The following ASTN1 variants were observed in gnomAD, a reference collection of about 807,000 sequenced individuals.
The protein encoded by ASTN1 is astrotactin 1.
ASTN1 carries 41 observed loss-of-function variants against 140.7 expected under a neutral mutation model. The observed-to-expected ratio is 0.29, with a 90% CI of 0.23 to 0.38. ASTN1 has a LOEUF of 0.38. Among genes scored for constraint, ASTN1 ranks in the 10% least tolerant of loss-of-function variants. ASTN1 has a pLI of 1.00. For missense variants in ASTN1, 1,479 were observed against 1,678.8 expected (o/e 0.88, Z 2.08); for synonymous variants, 640 against 652.2 (o/e 0.98, Z 0.29).
At position 177,052,993 on chromosome 1, in the gene ASTN1, A is replaced by G. The variant is rs183242875; in HGVS notation, c.471+8085T>C. On this transcript the variant is annotated intron_variant, in intron 2 of 22. Coordinates refer to ENST00000361833, the MANE Select transcript of ASTN1 (RefSeq NM_004319.3). The stretch of plus-strand genomic sequence containing the variant: ...CAGTCTCAGTGTTCACATCTGAAAG[A>G]TGGAAGAAATGATAGCTATTTCAAA... Among the ~76,000 whole-genome samples the G allele has an allele frequency of 4.1e-4, 62 of 152,308 alleles. 1 individual carries two copies. Among genetic ancestry groups the G allele is most frequent in the Middle Eastern group, 3.4e-3 (1 of 294 alleles).
intron 1 of ASTN1, among the ~76,000 whole-genome samples, chr1:177,141,973 C>A (rs921486953): frequency 6.6e-6 from 1 of 152,150 alleles, no homozygotes; most frequent in Non-Finnish European, 1.5e-5. Flanking sequence ...TATAGTAGCT[C>A]CCATCTGCCA....
chr1:176,865,869 A>T lies in ASTN1; in HGVS notation c.3648-1348T>A, dbSNP rs557551705. 1.2e-3 allele frequency among the ~76,000 whole-genome samples: 176 copies of T among 152,352 alleles called. 1 individual carries two copies. The highest frequency in any genetic ancestry group is 3.9e-3 in the African/African-American group (161 of 41,580). Reference sequence around the variant, plus strand: ...ATCTCACATGGCAGCAGACAAGAGAAGAGAGCTTTTGCAAGGAGACTCCCA... The same window carrying T: ...ATCTCACATGGCAGCAGACAAGAGATGAGAGCTTTTGCAAGGAGACTCCCA... On this transcript the variant is annotated intron_variant, in intron 22 of 22. Coordinates refer to ENST00000361833, the MANE Select transcript of ASTN1 (RefSeq NM_004319.3).
intron 1 of ASTN1, among the ~76,000 whole-genome samples, chr1:177,091,066 A>G (rs890668124): frequency 2.0e-5 from 3 of 152,076 alleles, no homozygotes; most frequent in Non-Finnish European, 4.4e-5. Flanking sequence ...CCCCACCAAA[A>G]TGCTTTCAAA....
At chr1:176,869,120 ATATCACATATAAACAT>A in intron 21 of ASTN1, 93 bp from the exon 22 acceptor site, 2 of 847,410 alleles carry the variant, frequency 2.4e-6, no homozygotes. Flanking sequence ...TCATATAGAC[ATATCACATATAAACAT>A]ATGTAGATCA....
chr1:176,874,412 G>A (rs1318429775), intron 21 of ASTN1, among the ~76,000 whole-genome samples: 1 of 152,192 alleles, frequency 6.6e-6, no homozygotes, highest in Non-Finnish European at 1.5e-5. Context: ...TTCTTCACCA[G>A]TATTTAAAGA....
Position 177,014,777 on chromosome 1 carries a change from A to G in ASTN1, c.1523+14T>C. On this transcript the variant is annotated intron_variant, in intron 8 of 22. Coordinates refer to ENST00000361833, the MANE Select transcript of ASTN1 (RefSeq NM_004319.3). ...ATATGTGGGAACCAGCTAAGTCGTC[A>G]TGCCCTCACTTACCCCTGGTTTGTC... 1 of 1,608,458 alleles carries G rather than the reference A, an allele frequency of 6.2e-7. No homozygotes were observed. The highest frequency in any genetic ancestry group is 8.5e-7 in the Non-Finnish European group (1 of 1,174,998).
At chr1:177,160,485 A>C (rs539172873) in intron 1 of ASTN1, among the ~76,000 whole-genome samples, 1 of 152,356 alleles carries the variant, frequency 6.6e-6, no homozygotes, top group Non-Finnish European at 1.5e-5. Flanking sequence ...CACAAGAGAA[A>C]CATCTTTCTT....
At chr1:176,932,440 G>C (rs916744128) in intron 16 of ASTN1, among the ~76,000 whole-genome samples, 1 of 152,124 alleles carries the variant, frequency 6.6e-6, no homozygotes, top group Non-Finnish European at 1.5e-5. Flanking sequence ...TGATAACTAA[G>C]GAGGAGAAAT....
chr1:176,889,590 T>C (rs1051595316), intron 17 of ASTN1, among the ~76,000 whole-genome samples: 1 of 152,234 alleles, frequency 6.6e-6, no homozygotes, highest in African/African-American at 2.4e-5. Flanking sequence ...GAACTTTACA[T>C]TGGCCACCTT....
At position 176,884,429 on chromosome 1, in the gene ASTN1, AGTG is replaced by A; in HGVS notation, c.3133_3135del (p.His1045del). 1 of 1,614,096 alleles carries A rather than the reference AGTG, an allele frequency of 6.2e-7. No homozygotes were observed. The highest frequency in any genetic ancestry group is 8.5e-7 in the Non-Finnish European group (1 of 1,180,014). ...ATCTGCACCCCGATTGGTGGCTCTG[AGTG>A]TTCCCACTCCAGGACCACAAGAGTG... is the stretch of plus-strand genomic sequence containing the variant. On this transcript the variant is annotated inframe_deletion, in exon 19 of 23. Transcript: ENST00000361833.
intron 8 of ASTN1, among the ~76,000 whole-genome samples, chr1:177,014,148 G>A (rs904994324): frequency 1.3e-5 from 2 of 151,228 alleles, no homozygotes; most frequent in African/African-American, 4.9e-5. Context: ...ATGGTTAAAT[G>A]ACACATTGTA....
At chr1:177,156,290 A>G (rs1683233119) in intron 1 of ASTN1, among the ~76,000 whole-genome samples, 1 of 151,644 alleles carries the variant, frequency 6.6e-6, no homozygotes, top group Non-Finnish European at 1.5e-5. Context: ...AAAACAAAAA[A>G]CCCAACAACA....
chr1:176,919,887 A>C (rs1670658338), intron 16 of ASTN1, among the ~76,000 whole-genome samples: 2 of 152,232 alleles, frequency 1.3e-5, no homozygotes, highest in South Asian at 4.1e-4. Context: ...GGGGAGTGCC[A>C]GCTGTGGTTT....
intron 8 of ASTN1, among the ~76,000 whole-genome samples, chr1:176,999,087 T>C (rs1006951486): frequency 2.6e-5 from 4 of 152,190 alleles, no homozygotes; most frequent in Admixed American, 6.5e-5. Flanking sequence ...AAAAAACTAT[T>C]GAGGGTCCTG....
intron 11 of ASTN1, among the ~76,000 whole-genome samples, chr1:176,956,181 C>T (rs1571564052): frequency 6.6e-6 from 1 of 152,150 alleles, no homozygotes; most frequent in African/African-American, 2.4e-5. Flanking sequence ...CCTGACAGAC[C>T]TTCCTGTTCT....
chr1:176,950,375 G>A (rs781522317), intron 11 of ASTN1, among the ~76,000 whole-genome samples: 20 of 152,178 alleles, frequency 1.3e-4, no homozygotes, highest in Non-Finnish European at 8.8e-5. Flanking sequence ...TGTGGAGTCC[G>A]TAACTTAGCT....
At chr1:177,019,657 A>G (rs191365750) in intron 7 of ASTN1, among the ~76,000 whole-genome samples, 89 of 152,270 alleles carry the variant, frequency 5.8e-4, no homozygotes, top group African/African-American at 2.0e-3. Flanking sequence ...TATCCCATGC[A>G]TTGGGCTGAG....
intron 1 of ASTN1, among the ~76,000 whole-genome samples, chr1:177,075,287 T>C (rs1678832457): frequency 6.6e-6 from 1 of 152,150 alleles, no homozygotes; most frequent in Non-Finnish European, 1.5e-5. Flanking sequence ...TTGGTCAGGC[T>C]GGTCTCAAAC....
intron 1 of ASTN1, among the ~76,000 whole-genome samples, chr1:177,145,580 T>C (rs756181987): frequency 1.2e-4 from 18 of 152,164 alleles, no homozygotes; most frequent in Non-Finnish European, 2.4e-4. Flanking sequence ...CTGTTCTCCA[T>C]AGGACCCACG....
Sources: allele counts gnomAD v4.1 joint callset (sites outside exome capture counted in the v4.1 genomes callset), GRCh38; gene constraint gnomAD v4.1.1; transcripts MANE v1.5; gene names NCBI Gene and HGNC (gene_info 2026-07-23, HGNC 2026-07-21).